The following GRID2 variants were observed in gnomAD, a reference collection of about 807,000 sequenced individuals.
GRID2 encodes glutamate ionotropic receptor delta type subunit 2.
A neutral mutation model predicts 114.8 loss-of-function variants in GRID2; 33 were observed. The ratio of observed to expected loss-of-function variants is 0.29; its 90% CI spans 0.22 to 0.38. GRID2 has a LOEUF of 0.38. Ranked by LOEUF, GRID2 falls within the 10% of genes least tolerant of loss-of-function variation. GRID2 has a pLI of 1.00. For missense variants in GRID2, 1,184 were observed against 1,257.7 expected, an observed-to-expected ratio of 0.94 and a Z score of 0.89; for synonymous variants, 505 against 449.9, an observed-to-expected ratio of 1.12 and a Z score of -1.55.
intron 2 of GRID2, among the ~76,000 whole-genome samples, chr4:92,951,861 C>A (rs533378928): frequency 2.6e-4 from 40 of 152,168 alleles, no homozygotes; most frequent in African/African-American, 8.4e-4. Flanking sequence ...GGATAACAAT[C>A]TTTTATTAAT....
Position 93,290,321 on chromosome 4 carries a change from G to C in GRID2, c.1245+51831G>C, listed in dbSNP as rs548716015. ...TGGGGTAGAAAGAGGTGTTCGGATAGAGCTGGGGTTTTAGGAGATGATTCT... is the reference window on the plus strand; with the variant it reads ...TGGGGTAGAAAGAGGTGTTCGGATACAGCTGGGGTTTTAGGAGATGATTCT... On this transcript the variant is annotated intron_variant, in intron 8 of 15. Transcript: ENST00000282020. Among the ~76,000 whole-genome samples, 100 of 152,248 alleles carry C rather than the reference G, an allele frequency of 6.6e-4. 1 individual carries two copies. The highest frequency in any genetic ancestry group is 3.4e-3 in the Middle Eastern group (1 of 294).
intron 1 of GRID2, among the ~76,000 whole-genome samples, chr4:92,535,924 C>T (rs1037830674): frequency 6.6e-6 from 1 of 152,162 alleles, no homozygotes; most frequent in African/African-American, 2.4e-5. Flanking sequence ...ACTTGTTCTC[C>T]TCCTGGTGGG....
At chr4:93,634,430 C>G (rs773888409) in intron 14 of GRID2, among the ~76,000 whole-genome samples, 13 of 152,126 alleles carry the variant, frequency 8.5e-5, no homozygotes, top group Non-Finnish European at 1.8e-4. Context: ...GATAGACTAT[C>G]AACAGCTGCT....
intron 1 of GRID2, among the ~76,000 whole-genome samples, chr4:92,440,296 C>G (rs536814740): frequency 1.4e-5 from 2 of 145,926 alleles, no homozygotes; most frequent in African/African-American, 4.9e-5. Flanking sequence ...AAAGGCTGGT[C>G]TATTATCAGA....
intron 8 of GRID2, among the ~76,000 whole-genome samples, chr4:93,378,496 T>C (rs1419010156): frequency 6.6e-6 from 1 of 152,116 alleles, no homozygotes; most frequent in Admixed American, 6.6e-5. Flanking sequence ...TGGATTTTAT[T>C]AATTTATTAC....
intron 4 of GRID2, among the ~76,000 whole-genome samples, chr4:93,135,082 G>A (rs536747514): frequency 4.6e-5 from 7 of 152,204 alleles, no homozygotes; most frequent in African/African-American, 1.7e-4. Context: ...GTATTTAAGT[G>A]GTTTGCATTA....
At chr4:92,941,637 T>G (rs1578545994) in intron 2 of GRID2, among the ~76,000 whole-genome samples, 1 of 152,186 alleles carries the variant, frequency 6.6e-6, no homozygotes, top group East Asian at 1.9e-4. Context: ...CTCTTGCTTC[T>G]CCAGTTCTTT....
chr4:93,775,912 C>T (rs1734360089), downstream of GRID2, among the ~76,000 whole-genome samples: 1 of 152,162 alleles, frequency 6.6e-6, no homozygotes, highest in South Asian at 2.1e-4. Context: ...TAAAAATAGA[C>T]TTTACCGAAT....
chr4:92,391,087 T>C (rs140835724), intron 1 of GRID2, among the ~76,000 whole-genome samples: 79 of 152,296 alleles, frequency 5.2e-4, no homozygotes, highest in African/African-American at 1.8e-3. Context: ...ATTCATAAAA[T>C]TGTACATATT....
intron 1 of GRID2, among the ~76,000 whole-genome samples, chr4:92,476,938 G>A (rs1159901040): frequency 6.8e-6 from 1 of 147,180 alleles, no homozygotes. Context: ...GACTGGTGGA[G>A]TGGTCCAAAG....
At chr4:92,540,428 T>C (rs546125209) in intron 1 of GRID2, among the ~76,000 whole-genome samples, 6 of 151,918 alleles carry the variant, frequency 3.9e-5, no homozygotes, top group Non-Finnish European at 8.8e-5. Flanking sequence ...AGAATCTACA[T>C]AGAACTCAAA....
intron 1 of GRID2, among the ~76,000 whole-genome samples, chr4:92,456,743 G>C (rs2149083806): frequency 6.6e-6 from 1 of 152,214 alleles, no homozygotes; most frequent in South Asian, 2.1e-4. Context: ...ACAAGCTACT[G>C]TATATTAGTA....
chr4:92,486,751 A>C (rs1279842952), intron 1 of GRID2, among the ~76,000 whole-genome samples: 1 of 152,064 alleles, frequency 6.6e-6, no homozygotes, highest in East Asian at 1.9e-4. Context: ...ACATAATTCA[A>C]ATAAAAATAG....
At position 93,128,048 on chromosome 4, in the gene GRID2, A is replaced by C. The variant is rs989056227; in HGVS notation, c.735+17095A>C. On this transcript the variant is annotated intron_variant, in intron 4 of 15. Transcript: ENST00000282020. ...GCAACAAAAAAAAAAAAAAAAAAAA[A>C]AAAAAAAAAAACAACAGTACGTGCT... Among the ~76,000 whole-genome samples, 36 of 144,650 alleles carry C rather than the reference A, an allele frequency of 2.5e-4. 1 individual carries two copies. Among genetic ancestry groups the C allele is most frequent in the East Asian group, 2.4e-3 (12 of 4,922 alleles). 94.9% of individuals were successfully genotyped at this position (144,650 alleles called of 152,430 possible).
chr4:93,367,772 G>C (rs951637472), intron 8 of GRID2, among the ~76,000 whole-genome samples: 6 of 152,136 alleles, frequency 3.9e-5, no homozygotes, highest in African/African-American at 9.7e-5. Context: ...TGGTTGAAAA[G>C]ACATACAGAG....
intron 2 of GRID2, among the ~76,000 whole-genome samples, chr4:92,970,601 A>C (rs1753444575): frequency 6.6e-6 from 1 of 152,128 alleles, no homozygotes; most frequent in African/African-American, 2.4e-5. Context: ...CATATCTAGA[A>C]TATGATATCA....
chr4:93,501,419 AG>A (rs1376868151), intron 12 of GRID2, among the ~76,000 whole-genome samples: 6 of 151,994 alleles, frequency 3.9e-5, no homozygotes, highest in Admixed American at 1.3e-4. Context: ...GTTTCATTTT[AG>A]TACAGAATTG....
intron 2 of GRID2, among the ~76,000 whole-genome samples, chr4:93,016,419 A>T (rs1722726340): frequency 6.6e-6 from 1 of 152,078 alleles, no homozygotes; most frequent in Non-Finnish European, 1.5e-5. Context: ...TGTTGCTTTG[A>T]GGTAGCTAGT....
intron 2 of GRID2, among the ~76,000 whole-genome samples, chr4:92,909,236 G>A (rs1748189970): frequency 6.7e-6 from 1 of 149,836 alleles, no homozygotes; most frequent in Non-Finnish European, 1.5e-5. Context: ...ATAGAACTGT[G>A]AAAACATGCA....
Sources: allele counts gnomAD v4.1 joint callset (sites outside exome capture counted in the v4.1 genomes callset), GRCh38; gene constraint gnomAD v4.1.1; transcripts MANE v1.5; gene names NCBI Gene and HGNC (gene_info 2026-07-23, HGNC 2026-07-21).